The following EEIG1 variants were observed in gnomAD, a reference collection of about 807,000 sequenced individuals.
EEIG1 encodes the protein early estrogen-induced gene 1 protein.
At chr9:127,963,344 G>A in the EEIG1 span, among the ~76,000 whole-genome samples, 2 of 152,372 alleles carry the variant, frequency 1.3e-5, no homozygotes, top group Admixed American at 6.5e-5. Context: ...CTGGCCGCCC[G>A]CCTGGGAAGA....
the EEIG1 span, chr9:127,943,290 C>A: frequency 6.4e-7 from 1 of 1,563,164 alleles, no homozygotes; most frequent in South Asian, 1.1e-5. Flanking sequence ...ATTTCCTGAG[C>A]GCTCCACTGG....
chr9:127,959,653 G>A, the EEIG1 span, among the ~76,000 whole-genome samples: 1 of 152,138 alleles, frequency 6.6e-6, no homozygotes, highest in Non-Finnish European at 1.5e-5. Flanking sequence ...GTTTTATAAG[G>A]GGCTCTTTCC....
chr9:127,952,196 C>A, the EEIG1 span, among the ~76,000 whole-genome samples: 1 of 152,240 alleles, frequency 6.6e-6, no homozygotes, highest in Non-Finnish European at 1.5e-5. Flanking sequence ...TGGTTCTAGC[C>A]ATACTGTCCT....
chr9:127,979,467 C>G, the EEIG1 span, among the ~76,000 whole-genome samples: 1 of 152,236 alleles, frequency 6.6e-6, no homozygotes, highest in African/African-American at 2.4e-5. Context: ...CAATGCAAAG[C>G]AGCCCAGCTC....
chr9:127,979,879 G>A, the EEIG1 span: 1 of 1,314,042 alleles, frequency 7.6e-7, no homozygotes, highest in Non-Finnish European at 1.0e-6. Context: ...CAGGCACACA[G>A]AATCCCCCGG....
At chr9:127,963,541 C>A in the EEIG1 span, among the ~76,000 whole-genome samples, 1 of 152,242 alleles carries the variant, frequency 6.6e-6, no homozygotes, top group East Asian at 1.9e-4. Context: ...GCCATCCCAG[C>A]AGTGGAATTT....
the EEIG1 span, among the ~76,000 whole-genome samples, chr9:127,967,125 G>A: frequency 2.0e-5 from 3 of 152,310 alleles, no homozygotes; most frequent in African/African-American, 7.2e-5. Flanking sequence ...AAAGTGTGGG[G>A]CCAATGGGGT....
At chr9:127,966,555 G>C in the EEIG1 span, among the ~76,000 whole-genome samples, 1 of 152,082 alleles carries the variant, frequency 6.6e-6, no homozygotes, top group Non-Finnish European at 1.5e-5. Flanking sequence ...TTGTGCAGAT[G>C]CCTTGAGCTA....
the EEIG1 span, chr9:127,944,718 G>A: frequency 1.9e-5 from 31 of 1,612,132 alleles, no homozygotes; most frequent in Middle Eastern, 3.3e-4. Flanking sequence ...GAGGCTGAGC[G>A]CGGCAGGGCC....
the EEIG1 span, among the ~76,000 whole-genome samples, chr9:127,951,766 G>A: frequency 9.0e-5 from 13 of 144,492 alleles, no homozygotes; most frequent in Non-Finnish European, 1.6e-4. Flanking sequence ...GTAGTGAGCC[G>A]AGATCGCGCC....
chr9:127,949,507 C>T, the EEIG1 span, among the ~76,000 whole-genome samples: 2 of 152,236 alleles, frequency 1.3e-5, no homozygotes, highest in South Asian at 2.1e-4. Context: ...GCTACCTGGC[C>T]CCCAGGCTCC....
chr9:127,971,983 C>A, the EEIG1 span, among the ~76,000 whole-genome samples: 3 of 151,946 alleles, frequency 2.0e-5, no homozygotes, highest in Non-Finnish European at 4.4e-5. Flanking sequence ...AGTGGCGGGG[C>A]CTCCCATGTA....
chr9:127,943,557 G>A, the EEIG1 span: 3 of 379,802 alleles, frequency 7.9e-6, no homozygotes, highest in South Asian at 2.9e-5. Flanking sequence ...AGAGGGATGT[G>A]AGGGTGACCA....
chr9:127,977,533 C>A, the EEIG1 span, among the ~76,000 whole-genome samples: 1 of 152,206 alleles, frequency 6.6e-6, no homozygotes, highest in Non-Finnish European at 1.5e-5. Flanking sequence ...AGGCCCCCTG[C>A]TGACTGGATC....
At chr9:127,960,612 G>C in the EEIG1 span, among the ~76,000 whole-genome samples, 1 of 152,172 alleles carries the variant, frequency 6.6e-6, no homozygotes, top group Admixed American at 6.5e-5. Context: ...GAGGCCTGGG[G>C]AGGCAGCTCG....
the EEIG1 span, among the ~76,000 whole-genome samples, chr9:127,967,836 G>A: frequency 6.6e-6 from 1 of 152,172 alleles, no homozygotes; most frequent in African/African-American, 2.4e-5. Context: ...AATGGGGGCA[G>A]GGACTAGACC....
At chr9:127,967,119 T>G in the EEIG1 span, among the ~76,000 whole-genome samples, 20 of 152,070 alleles carry the variant, frequency 1.3e-4, no homozygotes, top group Non-Finnish European at 2.5e-4. Context: ...TGGGTCAAAG[T>G]GTGGGGCCAA....
the EEIG1 span, among the ~76,000 whole-genome samples, chr9:127,961,723 G>T: frequency 1.4e-4 from 21 of 152,352 alleles, no homozygotes; most frequent in East Asian, 3.9e-3. Flanking sequence ...GCCAGAGAAG[G>T]TCTTCATGGG....
At chr9:127,952,097 G>A in the EEIG1 span, among the ~76,000 whole-genome samples, 2 of 152,252 alleles carry the variant, frequency 1.3e-5, no homozygotes, top group East Asian at 3.8e-4. Flanking sequence ...GCTCCCAGGT[G>A]TTTGCTGGTA....
Sources: allele counts gnomAD v4.1 joint callset (sites outside exome capture counted in the v4.1 genomes callset), GRCh38; gene constraint gnomAD v4.1.1; transcripts MANE v1.5; gene names NCBI Gene and HGNC (gene_info 2026-07-23, HGNC 2026-07-21).